ACYP2: variants seen among roughly 807,000 people sequenced by gnomAD.
ACYP2 encodes the protein acylphosphatase-2.
ACYP2 carries 12 observed loss-of-function variants against 11.2 expected under a neutral mutation model. The observed-to-expected ratio is 1.08, with a 90% CI of 0.69 to 1.74. The LOEUF is 1.74. Among genes scored for constraint, ACYP2 ranks in the 40% most tolerant of loss-of-function variants. The pLI is 0.00. For missense variants in ACYP2, 134 were observed against 101.9 expected (o/e 1.31, Z -1.35); for synonymous variants, 43 against 32.2 (o/e 1.33, Z -1.13).
chr2:54,033,618 C>A (rs1674712824), intron 2 of ACYP2, among the ~76,000 whole-genome samples: 1 of 151,986 alleles, frequency 6.6e-6, no homozygotes, highest in Non-Finnish European at 1.5e-5. Flanking sequence ...CTGGTGTAGA[C>A]CATGCTGAAG....
chr2:54,210,335 C>T (rs899889420), intron 6 of ACYP2, among the ~76,000 whole-genome samples: 1 of 151,984 alleles, frequency 6.6e-6, no homozygotes, highest in Non-Finnish European at 1.5e-5. Flanking sequence ...TATTATGTTA[C>T]TTACATTACT....
intron 6 of ACYP2, among the ~76,000 whole-genome samples, chr2:54,269,995 C>G (rs1381284712): frequency 6.6e-6 from 1 of 151,886 alleles, no homozygotes; most frequent in Admixed American, 6.6e-5. Flanking sequence ...AATATCCTTC[C>G]AAGAATTTAT....
At chr2:53,974,087 G>A (rs1327972720) in intron 2 of ACYP2, among the ~76,000 whole-genome samples, 7 of 148,952 alleles carry the variant, frequency 4.7e-5, no homozygotes, top group African/African-American at 1.5e-4. Flanking sequence ...TTTTTTTTTC[G>A]GTATTTTTAG....
At chr2:54,284,736 C>T (rs1421909806) in intron 6 of ACYP2, among the ~76,000 whole-genome samples, 1 of 152,174 alleles carries the variant, frequency 6.6e-6, no homozygotes, top group Non-Finnish European at 1.5e-5. Flanking sequence ...TCTTCTTTCT[C>T]ACCCACCTAT....
At chr2:54,230,478 G>T (rs919392509) in intron 6 of ACYP2, among the ~76,000 whole-genome samples, 1 of 151,790 alleles carries the variant, frequency 6.6e-6, no homozygotes, top group Non-Finnish European at 1.5e-5. Flanking sequence ...TGCCTCAGCC[G>T]CCCGAGTAGC....
At chr2:53,974,767 C>G (rs1671385427) in intron 2 of ACYP2, among the ~76,000 whole-genome samples, 1 of 152,160 alleles carries the variant, frequency 6.6e-6, no homozygotes, top group Non-Finnish European at 1.5e-5. Context: ...ATTCATTGAG[C>G]ATTTCTGTCT....
At chr2:54,051,679 G>C (rs1675874191) in intron 3 of ACYP2, 2 of 678,008 alleles carry the variant, frequency 2.9e-6, no homozygotes, top group Non-Finnish European at 5.4e-6. Flanking sequence ...AAAGGATATT[G>C]CTGCATATTG....
chr2:54,111,069 G>A (rs1045125893), intron 4 of ACYP2, among the ~76,000 whole-genome samples: 1 of 152,060 alleles, frequency 6.6e-6, no homozygotes, highest in East Asian at 1.9e-4. Flanking sequence ...CTTCTTGCTG[G>A]GGGCTAGTCT....
intron 2 of ACYP2, among the ~76,000 whole-genome samples, chr2:53,998,843 A>T (rs186681179): frequency 6.6e-6 from 1 of 152,200 alleles, no homozygotes; most frequent in East Asian, 1.9e-4. Flanking sequence ...TTCTAATGCA[A>T]ACTCAAGTAG....
intron 6 of ACYP2, among the ~76,000 whole-genome samples, chr2:54,186,473 G>T (rs969098980): frequency 6.6e-6 from 1 of 152,116 alleles, no homozygotes; most frequent in Non-Finnish European, 1.5e-5. Flanking sequence ...GAAATAATCA[G>T]ATATTAGATT....
In ACYP2 at chr2:53,971,137, G is replaced by A. The variant is rs1013896175; in HGVS notation, c.-221G>A. ...TGGTGGCGGCAGCTGGAGCCCAACG[G>A]GCTGCGCCTTCTTCGCCGTGGGCCC... On this transcript the variant is annotated 5_prime_UTR_variant, in exon 1 of 7. Transcript: ENST00000607452. 2.0e-4 allele frequency: 41 copies of A among 204,314 alleles called. 1 individual carries two copies. The highest frequency in any genetic ancestry group is 6.1e-4 in the Admixed American group (10 of 16,502). The allele number at this position is 204,314 out of a possible 1,614,324, so 12.7% of individuals were successfully genotyped here.
chr2:54,003,378 G>A lies in ACYP2; in HGVS notation c.62+29568G>A, dbSNP rs149603752. Among the ~76,000 whole-genome samples, 1,308 of 152,240 alleles carry A rather than the reference G, an allele frequency of 8.6e-3. 20 individuals are homozygous for A. The highest frequency in any genetic ancestry group is 0.03 in the African/African-American group (1,257 of 41,526). Reference sequence around the variant, plus strand: ...AAGTTCAAGCGATTCTCCTGCCTCAGCCTCCTGAGTAGCTGGGATTACAGG... The same window carrying A: ...AAGTTCAAGCGATTCTCCTGCCTCAACCTCCTGAGTAGCTGGGATTACAGG... On this transcript the variant is annotated intron_variant, in intron 2 of 6. Coordinates refer to ENST00000607452, the MANE Select transcript of ACYP2 (RefSeq NM_001320586.2).
At chr2:53,985,308 C>T (rs187282389) in intron 2 of ACYP2, among the ~76,000 whole-genome samples, 2 of 152,008 alleles carry the variant, frequency 1.3e-5, no homozygotes, top group African/African-American at 4.8e-5. Context: ...ACCTTGTGAT[C>T]CGCCTGCCTC....
chr2:53,999,338 C>G lies in ACYP2; in HGVS notation c.62+25528C>G, dbSNP rs114814957. ...CACAGGTGGGAGGAGGCAGAGGGAG[C>G]TAAATAAAACAAAGCCAAAAGCCAA... On this transcript the variant is annotated intron_variant, in intron 2 of 6. Transcript: ENST00000607452. Among the ~76,000 whole-genome samples the G allele has an allele frequency of 6.0e-3, 917 of 152,132 alleles. 13 individuals carry two copies. The highest frequency in any genetic ancestry group is 0.021 in the African/African-American group (876 of 41,510).
intron 6 of ACYP2, among the ~76,000 whole-genome samples, chr2:54,183,824 CTT>C (rs1459977389): frequency 6.6e-6 from 1 of 151,982 alleles, no homozygotes; most frequent in Non-Finnish European, 1.5e-5. Context: ...ATAATTTAAT[CTT>C]ATATTTTCAT....
intron 6 of ACYP2, among the ~76,000 whole-genome samples, chr2:54,201,891 A>C (rs1684848721): frequency 6.6e-6 from 1 of 151,460 alleles, no homozygotes; most frequent in African/African-American, 2.4e-5. Context: ...TATTTTTAGT[A>C]GAGACAGGGT....
intron 6 of ACYP2, among the ~76,000 whole-genome samples, chr2:54,143,574 C>T (rs995308973): frequency 4.6e-5 from 7 of 152,170 alleles, no homozygotes; most frequent in Admixed American, 2.0e-4. Flanking sequence ...GCTGGGATTA[C>T]AGGCATATGC....
chr2:54,073,435 G>A (rs962323716), intron 4 of ACYP2, among the ~76,000 whole-genome samples: 5 of 152,144 alleles, frequency 3.3e-5, no homozygotes, highest in African/African-American at 1.2e-4. Flanking sequence ...ACTCTTGGAA[G>A]AAAACATAGA....
At chr2:53,990,605 C>T (rs1195598877) in intron 2 of ACYP2, among the ~76,000 whole-genome samples, 1 of 142,940 alleles carries the variant, frequency 7.0e-6, no homozygotes, top group East Asian at 2.1e-4. Context: ...GCCGAGATGG[C>T]ACCATTGCAC....
Sources: allele counts gnomAD v4.1 joint callset (sites outside exome capture counted in the v4.1 genomes callset), GRCh38; gene constraint gnomAD v4.1.1; transcripts MANE v1.5; gene names NCBI Gene and HGNC (gene_info 2026-07-23, HGNC 2026-07-21).